The following ADGRL3 variants were observed in gnomAD, a reference collection of about 807,000 sequenced individuals.
ADGRL3 encodes the protein adhesion G protein-coupled receptor L3.
ADGRL3 carries 62 observed loss-of-function variants against 153.5 expected under a neutral mutation model. That is an observed-to-expected ratio of 0.40 (90% CI 0.33 to 0.50). The LOEUF (loss-of-function observed/expected upper bound fraction) is 0.50. Among genes scored for constraint, ADGRL3 ranks in the 20% least tolerant of loss-of-function variants. The pLI is 0.47. For synonymous variants in ADGRL3, 710 were observed against 672.5 expected, an observed-to-expected ratio of 1.06 and a Z score of -0.86; for missense variants, 1,641 against 1,859.4, an observed-to-expected ratio of 0.88 and a Z score of 2.16.
At chr4:61,854,961 C>G (rs960311238) in intron 9 of ADGRL3, among the ~76,000 whole-genome samples, 1 of 151,986 alleles carries the variant, frequency 6.6e-6, no homozygotes, top group African/African-American at 2.4e-5. Context: ...AATAGCTGAC[C>G]GGCACTCCTC....
At chr4:61,763,691 G>C (rs1244101138) in intron 8 of ADGRL3, among the ~76,000 whole-genome samples, 1 of 151,952 alleles carries the variant, frequency 6.6e-6, no homozygotes, top group Non-Finnish European at 1.5e-5. Context: ...GTTCAGTAAT[G>C]AATGTTTCAG....
At position 61,200,501 on chromosome 4, in the gene ADGRL3, G is replaced by GCCGCCGC. The variant is rs1734287060; in HGVS notation, c.-1503_-1502insCGCCGCC. On this transcript the variant is annotated 5_prime_UTR_variant, in exon 1 of 27. It removes the in-frame stop codon of an upstream open reading frame in the 5' UTR. Transcript: ENST00000683033. Reference sequence around the variant, plus strand: ...CAGATGCTGCAGCTGGTCGGGGTGGGCGCCGCCGCCGCCGCCGCCGCCGCT... The same window carrying GCCGCCGC: ...CAGATGCTGCAGCTGGTCGGGGTGGGCCGCCGCCGCCGCCGCCGCCGCCGCCGCCGCT... Among the ~76,000 whole-genome samples, 3 of 150,412 alleles carry GCCGCCGC rather than the reference G, an allele frequency of 2.0e-5. No individual in the cohort carries two copies. The highest frequency in any genetic ancestry group is 7.3e-5 in the African/African-American group (3 of 40,916).
chr4:61,362,326 TTATATA>T (rs373888895), intron 1 of ADGRL3, among the ~76,000 whole-genome samples: 3 of 144,660 alleles, frequency 2.1e-5, no homozygotes, highest in African/African-American at 5.1e-5. Flanking sequence ...TATTTGAAAA[TTATATA>T]TATATATATA....
intron 8 of ADGRL3, among the ~76,000 whole-genome samples, chr4:61,768,614 G>A (rs140061902): frequency 0.037 from 5,588 of 152,150 alleles, 155 homozygotes; most frequent in Middle Eastern, 0.088. Context: ...CTACTCTTGA[G>A]TTTGTATTGG....
chr4:61,955,863 A>G (rs571244510), intron 17 of ADGRL3, among the ~76,000 whole-genome samples: 2 of 152,254 alleles, frequency 1.3e-5, no homozygotes, highest in East Asian at 3.9e-4. Context: ...AAAGGACATG[A>G]CCTCATTCCT....
At position 62,070,808 on chromosome 4, in the gene ADGRL3, G is replaced by A. The variant is rs774123797; in HGVS notation, c.4532G>A (p.Gly1511Asp). 6.4e-7 allele frequency: 1 copy of A among 1,551,678 alleles called. No individual in the cohort carries two copies. The highest frequency in any genetic ancestry group is 8.7e-7 in the Non-Finnish European group (1 of 1,146,970). Residue 1511 changes from glycine (G) to aspartate (D), a missense_variant, in exon 27 of 27, where the codon GGT (glycine) becomes GAT (aspartate). Transcript: ENST00000683033. ...CAGCTGCATACTTACTACCAGCTAG[G>A]TCGCGGCAGCAGTGATGGATTTATA... ...VHQLHTYYQL[G>D]RGSSDGFIVP...
intron 2 of ADGRL3, among the ~76,000 whole-genome samples, chr4:61,426,441 G>T (rs190301438): frequency 0.012 from 1,425 of 116,602 alleles, 8 homozygotes; most frequent in Middle Eastern, 0.026. Context: ...ATGCCCCATC[G>T]GGAATGGGGG....
intron 11 of ADGRL3, among the ~76,000 whole-genome samples, chr4:61,908,124 A>C (rs1297949557): frequency 6.6e-6 from 1 of 152,072 alleles, no homozygotes; most frequent in African/African-American, 2.4e-5. Context: ...ACTGAAAAAA[A>C]AATTAGCCAG....
intron 1 of ADGRL3, among the ~76,000 whole-genome samples, chr4:61,227,659 A>G (rs1350702094): frequency 6.6e-6 from 1 of 152,166 alleles, no homozygotes; most frequent in Non-Finnish European, 1.5e-5. Context: ...TTCCTCCCAC[A>G]TTCAAATGTA....
At position 61,892,663 on chromosome 4, in the gene ADGRL3, T is replaced by C. The variant is rs151336950; in HGVS notation, c.1488T>C (p.Ser496=). The C allele has an allele frequency of 3.1e-6, 5 of 1,613,538 alleles. No homozygotes were observed. Among genetic ancestry groups the C allele is most frequent in the Non-Finnish European group, 4.2e-6 (5 of 1,179,522 alleles). Residue 496 remains serine (S), a synonymous_variant, in exon 10 of 27, where the codon TCT becomes TCC. Coordinates refer to ENST00000683033, the MANE Select transcript of ADGRL3 (RefSeq NM_001387552.1). ...TTTCTAATTTTATTTCAGATATCTC[T>C]ACCACAGGACCTCTTGGCATGGGAA... ...ELERPSVKDI[S]TTGPLGMGST... is the part of the protein sequence containing the mutation.
intron 5 of ADGRL3, among the ~76,000 whole-genome samples, chr4:61,632,400 T>C (rs1265353700): frequency 6.6e-6 from 1 of 152,178 alleles, no homozygotes; most frequent in Non-Finnish European, 1.5e-5. Flanking sequence ...GCAATAGTCA[T>C]CATCAAAGCA....
chr4:61,234,867 G>A (rs1231829404), intron 1 of ADGRL3, among the ~76,000 whole-genome samples: 1 of 152,158 alleles, frequency 6.6e-6, no homozygotes, highest in Non-Finnish European at 1.5e-5. Context: ...TTTTGGCAGT[G>A]TGCAAATAAG....
At position 61,517,357 on chromosome 4, in the gene ADGRL3, T is replaced by G. The variant is rs916959008; in HGVS notation, c.98T>G (p.Leu33Trp). Residue 33 changes from leucine (L) to tryptophan (W), a missense_variant, in exon 4 of 27, where the codon TTG (leucine) becomes TGG (tryptophan). Physicochemically the swap from Leu to Trp is moderately conservative, Grantham distance 61. Transcript: ENST00000683033. Reference protein sequence around the residue: ...SERHPALAAPLRHAERSPGGA... With the variant: ...SERHPALAAPWRHAERSPGGA... Reference sequence around the variant, plus strand: ...CGACATCCTGCCCTTGCTGCTCCATTGCGACACGCTGAGCGCAGCCCAGGA... The same window carrying G: ...CGACATCCTGCCCTTGCTGCTCCATGGCGACACGCTGAGCGCAGCCCAGGA... The G allele has an allele frequency of 4.1e-5, 29 of 705,648 alleles. No individual in the cohort carries two copies. The highest frequency in any genetic ancestry group is 6.7e-5 in the Non-Finnish European group (26 of 387,660). The allele number at this position is 705,648 out of a possible 1,614,324, so 43.7% of individuals were successfully genotyped here.
intron 21 of ADGRL3, among the ~76,000 whole-genome samples, chr4:62,017,451 TTAGAC>T (rs2099217629): frequency 1.3e-5 from 2 of 151,726 alleles, no homozygotes; most frequent in South Asian, 2.1e-4. Flanking sequence ...TTTTTTTTTT[TTAGAC>T]TATTAGACTA....
intron 19 of ADGRL3, among the ~76,000 whole-genome samples, chr4:61,996,032 G>A (rs1428044261): frequency 1.3e-5 from 2 of 151,456 alleles, no homozygotes; most frequent in African/African-American, 4.9e-5. Context: ...AAGTTTCTAT[G>A]ACAGACACAA....
At chr4:61,468,977 G>A (rs1172597883) in intron 2 of ADGRL3, among the ~76,000 whole-genome samples, 1 of 152,062 alleles carries the variant, frequency 6.6e-6, no homozygotes, top group East Asian at 1.9e-4. Flanking sequence ...TGTGTACCTT[G>A]AGCCGGACTC....
intron 6 of ADGRL3, among the ~76,000 whole-genome samples, chr4:61,699,863 A>C (rs1331955338): frequency 1.3e-5 from 2 of 152,088 alleles, no homozygotes; most frequent in Non-Finnish European, 2.9e-5. Flanking sequence ...TTAACTTGGA[A>C]AAAAAGTACT....
intron 4 of ADGRL3, among the ~76,000 whole-genome samples, chr4:61,524,723 C>A (rs2098549698): frequency 6.6e-6 from 1 of 151,984 alleles, no homozygotes; most frequent in Admixed American, 6.6e-5. Flanking sequence ...GTTCCTGAGA[C>A]CTAGTAAGTG....
At chr4:61,369,840 C>A (rs953347170) in intron 1 of ADGRL3, among the ~76,000 whole-genome samples, 8 of 152,040 alleles carry the variant, frequency 5.3e-5, no homozygotes, top group African/African-American at 9.7e-5. Flanking sequence ...TAGAATTCGG[C>A]TGTGAATCCA....
Sources: allele counts gnomAD v4.1 joint callset (sites outside exome capture counted in the v4.1 genomes callset), GRCh38; gene constraint gnomAD v4.1.1; transcripts MANE v1.5; gene names NCBI Gene and HGNC (gene_info 2026-07-23, HGNC 2026-07-21).